Variants in TCF4 observed in about 807,000 individuals in gnomAD.
TCF4 encodes the protein SL3-3 enhancer factor 2.
In TCF4, 3 loss-of-function variants were observed where a neutral mutation model predicts 82.1. The observed-to-expected ratio is 0.04, with a 90% CI of 0.02 to 0.09. TCF4 has a LOEUF of 0.09. Ranked by LOEUF, TCF4 falls within the 10% of genes least tolerant of loss-of-function variation. The probability of loss-of-function intolerance (pLI) is 1.00; values close to 1 mark genes in which losing one functional copy is unlikely to be tolerated. For synonymous variants in TCF4, 276 were observed against 309.6 expected (o/e 0.89, Z 1.14); for missense variants, 518 against 852.7 (o/e 0.61, Z 4.89).
At chr18:55,464,602 C>T (rs187559993) in intron 3 of TCF4, among the ~76,000 whole-genome samples, 9 of 152,188 alleles carry the variant, frequency 5.9e-5, no homozygotes, top group Non-Finnish European at 1.0e-4. Flanking sequence ...AGACACCAGA[C>T]ATGCAACAGA....
At chr18:55,484,191 T>G (rs1037635218) in intron 3 of TCF4, among the ~76,000 whole-genome samples, 3 of 152,174 alleles carry the variant, frequency 2.0e-5, no homozygotes, top group African/African-American at 7.2e-5. Context: ...GTAGAAAAAG[T>G]TATATTTCCT....
chr18:55,353,383 A>T (rs138862256), intron 6 of TCF4, among the ~76,000 whole-genome samples: 1 of 152,188 alleles, frequency 6.6e-6, no homozygotes, highest in Non-Finnish European at 1.5e-5. Context: ...GTAACATAGC[A>T]CTAGGACCAG....
intron 8 of TCF4, among the ~76,000 whole-genome samples, chr18:55,323,611 G>A (rs2076078093): frequency 6.6e-6 from 1 of 152,142 alleles, no homozygotes; most frequent in Non-Finnish European, 1.5e-5. Context: ...TTCATGCTTT[G>A]AGGATTTTTT....
At chr18:55,299,186 G>A (rs1296397174) in intron 8 of TCF4, among the ~76,000 whole-genome samples, 16 of 152,106 alleles carry the variant, frequency 1.1e-4, no homozygotes, top group African/African-American at 3.4e-4. Flanking sequence ...CGAGGTGGGC[G>A]GATCACTTGA....
chr18:55,385,961 T>A (rs1216114170), intron 6 of TCF4, among the ~76,000 whole-genome samples: 1 of 152,192 alleles, frequency 6.6e-6, no homozygotes, highest in Non-Finnish European at 1.5e-5. Flanking sequence ...AAGACAAAGC[T>A]GCCTTTCTTC....
In TCF4 at chr18:55,544,371, C is replaced by T. The variant is rs1026906655; in HGVS notation, c.145+40909G>A. Among the ~76,000 whole-genome samples, 3 of 152,130 alleles carry T rather than the reference C, an allele frequency of 2.0e-5. No homozygotes were observed. The South Asian group carries it at 6.2e-4, about 32-fold the overall frequency. ...TAGGGGGCTGAGTATCATTATCATT[C>T]CATTTTTGAAGAAAGGTAAACAAAT... is the stretch of plus-strand genomic sequence containing the variant. On this transcript the variant is annotated intron_variant, in intron 3 of 19. Coordinates refer to ENST00000354452, the MANE Select transcript of TCF4 (RefSeq NM_001083962.2).
intron 6 of TCF4, among the ~76,000 whole-genome samples, chr18:55,353,208 A>G (rs921679246): frequency 6.6e-6 from 1 of 152,218 alleles, no homozygotes; most frequent in African/African-American, 2.4e-5. Context: ...ACTGTCTTTT[A>G]GCAGCATTCA....
At chr18:55,249,534 C>A (rs2054358982) in intron 15 of TCF4, among the ~76,000 whole-genome samples, 1 of 152,184 alleles carries the variant, frequency 6.6e-6, no homozygotes, top group African/African-American at 2.4e-5. Context: ...ACCATGTGAT[C>A]TTTCACTACT....
chr18:55,501,662 T>C (rs556229742), intron 3 of TCF4, among the ~76,000 whole-genome samples: 2 of 151,896 alleles, frequency 1.3e-5, no homozygotes, highest in Admixed American at 1.3e-4. Context: ...GAGGAAACAG[T>C]TAGCAGATTA....
At chr18:55,341,734 A>T (rs1316671922) in intron 8 of TCF4, among the ~76,000 whole-genome samples, 1 of 152,194 alleles carries the variant, frequency 6.6e-6, no homozygotes, top group Non-Finnish European at 1.5e-5. Context: ...TATCTAAAAC[A>T]TATCCCTCAC....
intron 5 of TCF4, among the ~76,000 whole-genome samples, chr18:55,405,497 AT>A (rs918725493): frequency 1.2e-3 from 179 of 152,194 alleles, no homozygotes; most frequent in Non-Finnish European, 2.0e-3. Flanking sequence ...AAAAGCATCT[AT>A]TTTTTTCTCT....
At chr18:55,585,850 T>G (rs1351300481) in intron 2 of TCF4, 4 of 1,157,422 alleles carry the variant, frequency 3.5e-6, no homozygotes, top group African/African-American at 3.1e-5. Context: ...AGGAGAGCAA[T>G]TTGAAGCAAG....
At chr18:55,488,769 T>C (rs1005115813) in intron 3 of TCF4, among the ~76,000 whole-genome samples, 1 of 152,202 alleles carries the variant, frequency 6.6e-6, no homozygotes, top group African/African-American at 2.4e-5. Flanking sequence ...TTTGTTGTTA[T>C]TGTTCTCTTT....
At chr18:55,297,739 A>G (rs2066960547) in intron 8 of TCF4, among the ~76,000 whole-genome samples, 1 of 152,072 alleles carries the variant, frequency 6.6e-6, no homozygotes, top group South Asian at 2.1e-4. Flanking sequence ...CCATTTGTGA[A>G]TAACTACAAA....
chr18:55,562,250 T>C (rs140891837), intron 3 of TCF4, among the ~76,000 whole-genome samples: 9 of 152,176 alleles, frequency 5.9e-5, no homozygotes, highest in African/African-American at 2.2e-4. Flanking sequence ...CTAGTCCACA[T>C]CATTCTACTT....
intron 3 of TCF4, among the ~76,000 whole-genome samples, chr18:55,554,514 ATT>A (rs1490526624): frequency 6.6e-6 from 1 of 152,142 alleles, no homozygotes; most frequent in Non-Finnish European, 1.5e-5. Context: ...TCTGCCTTAT[ATT>A]CGTGTGTACT....
At chr18:55,418,003 A>ATGTGTGTG (rs201657057) in intron 5 of TCF4, among the ~76,000 whole-genome samples, 53 of 143,478 alleles carry the variant, frequency 3.7e-4, no homozygotes, top group Middle Eastern at 3.5e-3. Flanking sequence ...TCTTGAGCAA[A>ATGTGTGTG]TGTGTGTGTG....
At chr18:55,350,830 A>G in intron 7 of TCF4, 44 bp downstream of exon 7, 1 of 1,610,196 alleles carries the variant, frequency 6.2e-7, no homozygotes, top group Non-Finnish European at 8.5e-7. Flanking sequence ...AAAAAGAAAA[A>G]GGCATAATCA....
At chr18:55,282,785 C>A (rs1247768062) in intron 8 of TCF4, among the ~76,000 whole-genome samples, 1 of 151,892 alleles carries the variant, frequency 6.6e-6, no homozygotes, top group Non-Finnish European at 1.5e-5. Context: ...TAGAGTGACC[C>A]CAATGATAAA....
Sources: allele counts gnomAD v4.1 joint callset (sites outside exome capture counted in the v4.1 genomes callset), GRCh38; gene constraint gnomAD v4.1.1; transcripts MANE v1.5; gene names NCBI Gene and HGNC (gene_info 2026-07-23, HGNC 2026-07-21).